The following JMJD1C variants were observed in gnomAD, a reference collection of about 807,000 sequenced individuals.
The protein encoded by JMJD1C is jumonji domain containing 1C.
A neutral mutation model predicts 245.3 loss-of-function variants in JMJD1C; 31 were observed. The observed-to-expected ratio is 0.13, with a 90% CI of 0.09 to 0.17. JMJD1C has a LOEUF of 0.17. Ranked by LOEUF, JMJD1C falls within the 10% of genes least tolerant of loss-of-function variation. JMJD1C has a pLI of 1.00. For synonymous variants in JMJD1C, 1,057 were observed against 1,017.4 expected, an observed-to-expected ratio of 1.04 and a Z score of -0.74; for missense variants, 2,691 against 3,000.2, an observed-to-expected ratio of 0.90 and a Z score of 2.41.
chr10:63,249,214 G>T (rs1212571268), intron 3 of JMJD1C, among the ~76,000 whole-genome samples: 2 of 152,192 alleles, frequency 1.3e-5, no homozygotes, highest in Non-Finnish European at 2.9e-5. Context: ...TACTCAGAAG[G>T]CTGAGGCAGG....
intron 1 of JMJD1C, among the ~76,000 whole-genome samples, chr10:63,513,870 G>A (rs765582260): frequency 5.3e-5 from 8 of 151,992 alleles, no homozygotes; most frequent in Non-Finnish European, 8.8e-5. Flanking sequence ...CCGAGATCGC[G>A]CCACTGCACT....
intron 2 of JMJD1C, among the ~76,000 whole-genome samples, chr10:63,360,279 T>A (rs1190571686): frequency 3.9e-5 from 6 of 152,172 alleles, no homozygotes; most frequent in Admixed American, 3.9e-4. Flanking sequence ...AAGCATCACT[T>A]GAGCCAAGGA....
chr10:63,285,459 G>A (rs950495972), intron 2 of JMJD1C, among the ~76,000 whole-genome samples: 2 of 152,068 alleles, frequency 1.3e-5, no homozygotes, highest in Admixed American at 6.5e-5. Flanking sequence ...TAAACTTGCC[G>A]CAGATCCCAA....
intron 2 of JMJD1C, among the ~76,000 whole-genome samples, chr10:63,271,944 G>A (rs1239292156): frequency 2.6e-5 from 4 of 151,636 alleles, no homozygotes; most frequent in African/African-American, 4.8e-5. Flanking sequence ...GCATGGTGGC[G>A]TACCTGTAGT....
chr10:63,380,977 G>T (rs534959558), intron 1 of JMJD1C, among the ~76,000 whole-genome samples: 2 of 152,302 alleles, frequency 1.3e-5, no homozygotes, highest in South Asian at 4.1e-4. Flanking sequence ...AGTGTTTATT[G>T]CAACACTATT....
In JMJD1C at chr10:63,207,491, T is replaced by G. The variant is rs775067151; in HGVS notation, c.4178A>C (p.Asn1393Thr). Residue 1393 changes from asparagine (N) to threonine (T), a missense_variant, in exon 10 of 26, where the codon AAT becomes ACT. Transcript: ENST00000399262. ...AGATGTGATTACATCCGTTTTGGTA[T>G]TACACATCGTATTTACAGCAGACAT... is the stretch of plus-strand genomic sequence containing the variant. ...SVMSAVNTMC[N>T]TKTDVITSAA... The G allele has an allele frequency of 6.2e-7, 1 of 1,614,072 alleles. No homozygotes were observed. Among genetic ancestry groups the G allele is most frequent in the African/African-American group, 1.3e-5 (1 of 74,924 alleles).
intron 3 of JMJD1C, among the ~76,000 whole-genome samples, chr10:63,259,559 T>C (rs1030094003): frequency 6.6e-6 from 1 of 152,166 alleles, no homozygotes; most frequent in Non-Finnish European, 1.5e-5. Context: ...CCAATAAATT[T>C]ATATGATCAA....
At chr10:63,306,162 T>G (rs919920525) in intron 2 of JMJD1C, among the ~76,000 whole-genome samples, 1 of 152,182 alleles carries the variant, frequency 6.6e-6, no homozygotes, top group African/African-American at 2.4e-5. Flanking sequence ...TGATCTCGAC[T>G]CACTGCAACC....
chr10:63,510,795 G>A (rs1458584248), intron 1 of JMJD1C, among the ~76,000 whole-genome samples: 1 of 152,144 alleles, frequency 6.6e-6, no homozygotes, highest in East Asian at 1.9e-4. Context: ...GTGTTAAAGT[G>A]TCCAATTATA....
intron 2 of JMJD1C, among the ~76,000 whole-genome samples, chr10:63,270,591 C>T (rs1589348881): frequency 6.6e-6 from 1 of 152,042 alleles, no homozygotes; most frequent in African/African-American, 2.4e-5. Context: ...CTCAGCCTGC[C>T]ATGTAGAAGG....
At chr10:63,349,473 ATAAGACAT>A (rs1207476604) in intron 2 of JMJD1C, among the ~76,000 whole-genome samples, 1 of 152,234 alleles carries the variant, frequency 6.6e-6, no homozygotes, top group Non-Finnish European at 1.5e-5. Context: ...AAAAATATAA[ATAAGACAT>A]AATCAATCCC....
chr10:63,506,814 G>C (rs1463921740), intron 1 of JMJD1C, among the ~76,000 whole-genome samples: 2 of 152,152 alleles, frequency 1.3e-5, no homozygotes, highest in East Asian at 1.9e-4. Context: ...GTTCACTCTT[G>C]ATGTTGTGCA....
intron 2 of JMJD1C, among the ~76,000 whole-genome samples, chr10:63,328,386 A>C (rs1419505163): frequency 3.3e-5 from 5 of 152,198 alleles, no homozygotes; most frequent in Admixed American, 3.3e-4. Flanking sequence ...CAATATGTTG[A>C]TAACCTTTGA....
chr10:63,362,592 G>A (rs893941808), intron 2 of JMJD1C, among the ~76,000 whole-genome samples: 5 of 151,874 alleles, frequency 3.3e-5, no homozygotes, highest in African/African-American at 9.7e-5. Context: ...TGATCCTCCC[G>A]CCTCAGCCTC....
rs1266689390 is a variant in JMJD1C, at chr10:63,190,956, G to A, written c.6229C>T (p.Leu2077=). 6.2e-7 allele frequency: 1 copy of A among 1,614,112 alleles called. No homozygotes were observed. The highest frequency in any genetic ancestry group is 1.3e-5 in the African/African-American group (1 of 75,048). ...RDLLTTTAGK[L]RVGSTDAGIA... ...CCAGCATCTGTAGACCCCACACGTA[G>A]CTTTCCAGCTGTTGTAGTCAGCAAA... is the stretch of plus-strand genomic sequence containing the variant. The change falls in exon 17 of 26, where the codon CTA becomes TTA. Residue 2077 remains leucine, a synonymous_variant. Transcript: ENST00000399262.
At chr10:63,228,115 T>C (rs1259026422) in intron 3 of JMJD1C, among the ~76,000 whole-genome samples, 1 of 152,162 alleles carries the variant, frequency 6.6e-6, no homozygotes, top group East Asian at 1.9e-4. Flanking sequence ...AGCAAACATT[T>C]TTTGTAAATG....
intron 1 of JMJD1C, among the ~76,000 whole-genome samples, chr10:63,424,944 T>C (rs1171912743): frequency 6.6e-6 from 1 of 152,162 alleles, no homozygotes; most frequent in Non-Finnish European, 1.5e-5. Flanking sequence ...CCACTATTTC[T>C]CATGCTGAAA....
chr10:63,433,670 C>T (rs538255744), intron 1 of JMJD1C, among the ~76,000 whole-genome samples: 9 of 146,284 alleles, frequency 6.2e-5, no homozygotes, highest in Non-Finnish European at 1.3e-4. Flanking sequence ...ACTGCAGTTT[C>T]GACCTCTGGC....
intron 1 of JMJD1C, among the ~76,000 whole-genome samples, chr10:63,395,302 C>T (rs1214531166): frequency 2.0e-5 from 3 of 152,056 alleles, no homozygotes; most frequent in African/African-American, 4.8e-5. Context: ...CATGGTGAAA[C>T]CCCGTCTCTA....
Sources: gnomAD v4.1 joint callset for allele counts (sites outside exome capture counted in the v4.1 genomes callset) on GRCh38, gnomAD v4.1.1 for gene constraint, MANE v1.5 for transcripts, NCBI Gene and HGNC (gene_info 2026-07-23, HGNC 2026-07-21) for gene names.